Variants in HIGD1A observed in about 807,000 individuals in gnomAD.
HIGD1A encodes the protein HIG1 hypoxia inducible domain family member 1A.
Under a neutral mutation model 11.3 loss-of-function variants are expected in HIGD1A, and 8 were observed. That is an observed-to-expected ratio of 0.71 (90% CI 0.42 to 1.28). The LOEUF (loss-of-function observed/expected upper bound fraction) is 1.28, where lower values mean the gene tolerates loss of function less well. HIGD1A is among the 50% of genes most tolerant of loss of function. HIGD1A has a pLI of 0.01. For synonymous variants in HIGD1A, 32 were observed against 38.4 expected, an observed-to-expected ratio of 0.83 and a Z score of 0.62; for missense variants, 107 against 118.8, an observed-to-expected ratio of 0.90 and a Z score of 0.46.
At chr3:42,804,196 T>C in intron 1 of HIGD1A, 1 of 1,610,368 alleles carries the variant, frequency 6.2e-7, no homozygotes, top group Non-Finnish European at 8.5e-7. Context: ...CTCCATCTCC[T>C]CGCTGGCTCC....
chr3:42,792,673 C>CAA (rs770734262), intron 2 of HIGD1A, among the ~76,000 whole-genome samples: 4 of 83,414 alleles, frequency 4.8e-5, no homozygotes, highest in Non-Finnish European at 2.4e-5. Context: ...GACTCCGTTT[C>CAA]AAAAAAAAAA....
intron 1 of HIGD1A, among the ~76,000 whole-genome samples, chr3:42,799,618 T>G (rs1343127570): frequency 2.0e-5 from 3 of 150,924 alleles, no homozygotes; most frequent in African/African-American, 4.9e-5. Flanking sequence ...ATGCCTGGTT[T>G]TTTTTTTTTG....
chr3:42,804,104 C>T, intron 1 of HIGD1A: 5 of 1,519,926 alleles, frequency 3.3e-6, no homozygotes, highest in Non-Finnish European at 4.5e-6. Context: ...CGGGCCCAGT[C>T]AACACCCTCC....
chr3:42,794,183 G>A lies in HIGD1A; in HGVS notation c.71C>T (p.Ala24Val). The A allele has an allele frequency of 6.2e-7, 1 of 1,605,176 alleles. No homozygotes were observed. The highest frequency in any genetic ancestry group is 1.1e-5 in the South Asian group (1 of 89,028). ...AACGGGTACGAATGGTGCCTCTTTA[G>A]CTTTTCGAATGAGTTTTGATCCCTG... ...EDQGSKLIRK[A>V]KEAPFVPVGI... Residue 24 changes from alanine (A) to valine (V), a missense_variant, in exon 2 of 4, where the codon GCT becomes GTT. By Grantham distance (64) the Ala-to-Val change is moderately conservative. Transcript: ENST00000321331.
intron 3 of HIGD1A, among the ~76,000 whole-genome samples, chr3:42,785,601 T>C (rs575597612): frequency 2.0e-4 from 31 of 152,352 alleles, no homozygotes; most frequent in Non-Finnish European, 3.1e-4. Flanking sequence ...TCTGGTAACT[T>C]TGAAAGGAAT....
chr3:42,799,527 T>C (rs1700528649), intron 1 of HIGD1A, among the ~76,000 whole-genome samples: 1 of 152,200 alleles, frequency 6.6e-6, no homozygotes, highest in East Asian at 1.9e-4. Flanking sequence ...ATCTCGATCT[T>C]TGCTCACCGC....
chr3:42,786,165 G>A lies in HIGD1A; in HGVS notation c.98-3C>T, dbSNP rs901473595. The A allele has an allele frequency of 3.1e-6, 5 of 1,613,756 alleles. No homozygotes were observed. The highest frequency in any genetic ancestry group is 3.3e-5 in the Admixed American group (2 of 59,982). ...AATTGCTGCAAAACCCGCTATTCCTGTAAAACAAAGTAACAAGTATGTCAG... is the reference window on the plus strand; with the variant it reads ...AATTGCTGCAAAACCCGCTATTCCTATAAAACAAAGTAACAAGTATGTCAG... On this transcript the variant is annotated splice_region_variant and splice_polypyrimidine_tract_variant and intron_variant, in intron 2 of 3. Transcript: ENST00000321331.
intron 3 of HIGD1A, among the ~76,000 whole-genome samples, chr3:42,785,587 T>C (rs1320700418): frequency 6.6e-6 from 1 of 152,216 alleles, no homozygotes; most frequent in Non-Finnish European, 1.5e-5. Context: ...ACAATCAATA[T>C]TTATCTGGTA....
At chr3:42,803,136 T>C (rs913059901) in intron 1 of HIGD1A, among the ~76,000 whole-genome samples, 12 of 152,198 alleles carry the variant, frequency 7.9e-5, no homozygotes, top group South Asian at 2.1e-4. Context: ...GAAAGTTGAA[T>C]AGACGCTAAA....
intron 2 of HIGD1A, among the ~76,000 whole-genome samples, chr3:42,792,136 T>C (rs1053362735): frequency 2.0e-5 from 3 of 152,200 alleles, no homozygotes; most frequent in East Asian, 3.8e-4. Context: ...GTCGGGATCA[T>C]AGGACATGGT....
At chr3:42,794,092 G>T in intron 2 of HIGD1A, 65 bp downstream of exon 2, 1 of 1,479,754 alleles carries the variant, frequency 6.8e-7, no homozygotes, top group Non-Finnish European at 9.1e-7. Context: ...TCAGGATATT[G>T]CTAAATGAAC....
chr3:42,794,085 G>A, intron 2 of HIGD1A, 72 bp downstream of exon 2: 1 of 1,423,242 alleles, frequency 7.0e-7, no homozygotes, highest in Non-Finnish European at 9.5e-7. Flanking sequence ...CATTCTTTCA[G>A]GATATTGCTA....
intron 1 of HIGD1A, among the ~76,000 whole-genome samples, chr3:42,794,770 A>C: frequency 6.6e-6 from 1 of 152,126 alleles, no homozygotes; most frequent in Non-Finnish European, 1.5e-5. Flanking sequence ...TATTTATTCC[A>C]ATGTGCTTCC....
chr3:42,790,456 C>G (rs1187656847), intron 2 of HIGD1A, among the ~76,000 whole-genome samples: 1 of 152,170 alleles, frequency 6.6e-6, no homozygotes. Flanking sequence ...TTGCTTGAAC[C>G]CGGGAGGCGG....
intron 2 of HIGD1A, among the ~76,000 whole-genome samples, chr3:42,788,550 T>G (rs1700380200): frequency 6.6e-6 from 1 of 152,110 alleles, no homozygotes; most frequent in African/African-American, 2.4e-5. Flanking sequence ...CAATATATTT[T>G]CCAAGAAAAC....
At chr3:42,799,493 A>G (rs1015377939) in intron 1 of HIGD1A, among the ~76,000 whole-genome samples, 4 of 152,156 alleles carry the variant, frequency 2.6e-5, no homozygotes, top group African/African-American at 9.7e-5. Flanking sequence ...GACAGGGTCT[A>G]GTTGCCACGC....
chr3:42,802,206 T>C (rs1236043105), intron 1 of HIGD1A, among the ~76,000 whole-genome samples: 1 of 152,118 alleles, frequency 6.6e-6, no homozygotes, highest in African/African-American at 2.4e-5. Flanking sequence ...TAGTTGTCTC[T>C]TTCCTGTATA....
chr3:42,793,724 T>C (rs565962530), intron 2 of HIGD1A, among the ~76,000 whole-genome samples: 2 of 152,194 alleles, frequency 1.3e-5, no homozygotes, highest in South Asian at 4.1e-4. Context: ...CCTATAATCC[T>C]AGCACTAGGC....
At chr3:42,799,470 T>C (rs976550051) in intron 1 of HIGD1A, among the ~76,000 whole-genome samples, 1 of 152,202 alleles carries the variant, frequency 6.6e-6, no homozygotes, top group African/African-American at 2.4e-5. Flanking sequence ...ATTTTTCTAT[T>C]TTTGTTTTAT....
Sources: allele counts gnomAD v4.1 joint callset (sites outside exome capture counted in the v4.1 genomes callset), GRCh38; gene constraint gnomAD v4.1.1; transcripts MANE v1.5; gene names NCBI Gene and HGNC (gene_info 2026-07-23, HGNC 2026-07-21).